Variants in ZBTB40 observed in about 807,000 individuals in gnomAD.
ZBTB40 encodes zinc finger and BTB domain-containing protein 40.
ZBTB40 carries 60 observed loss-of-function variants against 117.5 expected under a neutral mutation model. That is an observed-to-expected ratio of 0.51 (90% CI 0.41 to 0.63). The LOEUF (loss-of-function observed/expected upper bound fraction) is 0.63, where lower values mean the gene tolerates loss of function less well. ZBTB40 is among the 30% of genes least tolerant of loss of function. The pLI is 0.00. For synonymous variants in ZBTB40, 525 were observed against 577.1 expected, an observed-to-expected ratio of 0.91 and a Z score of 1.29; for missense variants, 1,287 against 1,498.5, an observed-to-expected ratio of 0.86 and a Z score of 2.33.
chr1:22,517,137 A>C (rs1423385924), intron 12 of ZBTB40, among the ~76,000 whole-genome samples, 163 bp from the exon 13 acceptor site: 2 of 152,166 alleles, frequency 1.3e-5, no homozygotes, highest in Non-Finnish European at 2.9e-5. Context: ...GTGCCATGTG[A>C]TGAGACGGCT....
intron 1 of ZBTB40, among the ~76,000 whole-genome samples, chr1:22,468,467 T>C (rs1433345921): frequency 0.21 from 19,935 of 96,692 alleles, 4,588 homozygotes; most frequent in African/African-American, 0.41. Flanking sequence ...AATGTTTCCT[T>C]TTTTTTTTTT....
chr1:22,520,269 C>T lies in ZBTB40; in HGVS notation c.3042C>T (p.Ala1014=). ...KPFSCGICNK[A]YQQLSGLWYH... ...TCAGCTGCGGGATCTGCAACAAGGC[C>T]TACCAGGTGACCTCAGGTGCCACTG... The change falls in exon 14 of 18, where the codon GCC becomes GCT. Residue 1014 remains alanine, a synonymous_variant. Coordinates refer to ENST00000375647, the MANE Select transcript of ZBTB40 (RefSeq NM_014870.4). 6.2e-7 allele frequency: 1 copy of T among 1,610,856 alleles called. No homozygotes were observed. Among genetic ancestry groups the T allele is most frequent in the Non-Finnish European group, 8.5e-7 (1 of 1,179,896 alleles).
At chr1:22,436,489 G>T (rs1640672498) in intron 1 of ZBTB40, among the ~76,000 whole-genome samples, 1 of 152,042 alleles carries the variant, frequency 6.6e-6, no homozygotes, top group Non-Finnish European at 1.5e-5. Context: ...TCCAGCATGG[G>T]CAACAAGAGT....
rs1639746132 is a variant in ZBTB40, at chr1:22,528,613, C to T, written c.*2217C>T. 1 of 152,206 alleles carries T rather than the reference C, an allele frequency of 6.6e-6. No individual in the cohort carries two copies. Among genetic ancestry groups the T allele is most frequent in the Non-Finnish European group, 1.5e-5 (1 of 68,056 alleles). The allele number at this position is 152,206 out of a possible 1,614,324, so 9.4% of individuals were successfully genotyped here. A position where few individuals can be genotyped will look rare whatever the true frequency, so the allele number is the denominator to read the frequency against. On this transcript the variant is annotated 3_prime_UTR_variant, in exon 18 of 18. Transcript: ENST00000375647. ...GTGGCACGATCTTGGCTCACTGCAA[C>T]CTCTGCGGGCTCACGCAATCCTCCT... is the stretch of plus-strand genomic sequence containing the variant.
In ZBTB40 at chr1:22,524,157, C is replaced by T. The variant is rs2124475908; in HGVS notation, c.3299-61C>T. On this transcript the variant is annotated intron_variant, in intron 16 of 17. Coordinates refer to ENST00000375647, the MANE Select transcript of ZBTB40 (RefSeq NM_014870.4). ...CTCTCATGTCTTCCTGCCCTCATTT[C>T]TCTCATTTTACCCAGAGAATTTTAC... is the stretch of plus-strand genomic sequence containing the variant. 4.6e-6 allele frequency: 7 copies of T among 1,512,464 alleles called. No individual in the cohort carries two copies. In the East Asian group the frequency reaches 1.4e-4, roughly 30 times the overall value. The allele number at this position is 1,512,464 out of a possible 1,614,324, so 93.7% of individuals were successfully genotyped here.
chr1:22,528,768 T>A lies in ZBTB40; in HGVS notation c.*2372T>A, dbSNP rs1453811639. 1 of 150,884 alleles carries A rather than the reference T, an allele frequency of 6.6e-6. No homozygotes were observed. The highest frequency in any genetic ancestry group is 2.4e-5 in the African/African-American group (1 of 40,888). 9.3% of individuals were successfully genotyped at this position (150,884 alleles called of 1,614,324 possible). A position where few individuals can be genotyped will look rare whatever the true frequency, so the allele number is the denominator to read the frequency against. On this transcript the variant is annotated 3_prime_UTR_variant, in exon 18 of 18. Transcript: ENST00000375647. ...CCAGGCTGGTTTAAAACTCCTGAGC[T>A]CAAGCAGTTCTCCCACCTGGGCCTC...
intron 16 of ZBTB40, among the ~76,000 whole-genome samples, chr1:22,522,965 T>TTTTTTTTTA (rs1639578758): frequency 1.4e-5 from 2 of 146,440 alleles, no homozygotes; most frequent in Non-Finnish European, 3.0e-5. Flanking sequence ...TTTTTTTTTT[T>TTTTTTTTTA]GAGATGGAGT....
rs548808282 is a variant in ZBTB40, at chr1:22,508,989, A to G, written c.1700-111A>G. ...GTTTTCCCCACTGCCAACCTCAGAT[A>G]GGAGATAGGGGAAATGCATTTTCAT... On this transcript the variant is annotated intron_variant, in intron 8 of 17. Coordinates refer to ENST00000375647, the MANE Select transcript of ZBTB40 (RefSeq NM_014870.4). 7.1e-6 allele frequency: 11 copies of G among 1,542,630 alleles called. No individual in the cohort carries two copies. In the Admixed American group the frequency reaches 1.2e-4, roughly 16 times the overall value.
At chr1:22,464,492 T>C (rs1188308854) in intron 1 of ZBTB40, among the ~76,000 whole-genome samples, 3 of 152,244 alleles carry the variant, frequency 2.0e-5, no homozygotes, top group South Asian at 2.1e-4. Flanking sequence ...GTTTGGTACA[T>C]AGCAGGAGCT....
intron 1 of ZBTB40, among the ~76,000 whole-genome samples, chr1:22,477,420 G>A (rs1641576458): frequency 2.0e-5 from 3 of 152,124 alleles, no homozygotes; most frequent in Non-Finnish European, 2.9e-5. Context: ...GGAGGCCAAG[G>A]TGGGCAGATA....
At chr1:22,508,264 A>G (rs1441883704) in intron 7 of ZBTB40, 127 bp downstream of exon 7, 3 of 1,197,720 alleles carry the variant, frequency 2.5e-6, no homozygotes, top group Non-Finnish European at 3.6e-6. Flanking sequence ...ATTGCTAAGT[A>G]GAGGAGAAAT....
At chr1:22,494,556 T>C (rs534442988) in intron 3 of ZBTB40, among the ~76,000 whole-genome samples, 24 of 152,374 alleles carry the variant, frequency 1.6e-4, no homozygotes, top group African/African-American at 5.5e-4. Flanking sequence ...TTGGAACCTG[T>C]AGACTACATT....
At chr1:22,479,195 T>C (rs1019187103) in intron 1 of ZBTB40, among the ~76,000 whole-genome samples, 6 of 152,242 alleles carry the variant, frequency 3.9e-5, no homozygotes, top group Non-Finnish European at 7.3e-5. Context: ...CCACCAACAG[T>C]GTATGAGAGT....
At chr1:22,454,025 C>A (rs548192254) in intron 1 of ZBTB40, among the ~76,000 whole-genome samples, 6 of 152,312 alleles carry the variant, frequency 3.9e-5, no homozygotes, top group African/African-American at 1.2e-4. Context: ...TCTCGGCTCA[C>A]TGCAACCTCC....
chr1:22,521,637 C>T lies in ZBTB40; in HGVS notation c.3190C>T (p.His1064Tyr), dbSNP rs1054349170. 1 of 1,614,134 alleles carries T rather than the reference C, an allele frequency of 6.2e-7. No homozygotes were observed. The highest frequency in any genetic ancestry group is 8.5e-7 in the Non-Finnish European group (1 of 1,180,056). ...TFPNTIEHKK[H>Y]IKAEHADMKF... is the part of the protein sequence containing the mutation. ...CCCCAACACCATTGAGCACAAGAAG[C>T]ACATCAAAGCAGAACATGCAGGTGG... The change falls in exon 15 of 18, where the codon CAC becomes TAC. Residue 1064 changes from histidine (H) to tyrosine (Y), a missense_variant. By Grantham distance (83) the His-to-Tyr change is moderately conservative. Coordinates refer to ENST00000375647, the MANE Select transcript of ZBTB40 (RefSeq NM_014870.4).
chr1:22,463,253 G>T (rs1315221389), intron 1 of ZBTB40, among the ~76,000 whole-genome samples: 1 of 152,122 alleles, frequency 6.6e-6, no homozygotes. Flanking sequence ...GCACATAGCC[G>T]CTGGCATCAC....
chr1:22,432,954 A>G (rs1413886055), intron 1 of ZBTB40, among the ~76,000 whole-genome samples: 1 of 152,232 alleles, frequency 6.6e-6, no homozygotes, highest in Non-Finnish European at 1.5e-5. Context: ...TATAGCAGAC[A>G]AATTTGAAAA....
chr1:22,520,962 A>G (rs1226701798), intron 14 of ZBTB40, among the ~76,000 whole-genome samples: 1 of 152,204 alleles, frequency 6.6e-6, no homozygotes, highest in African/African-American at 2.4e-5. Flanking sequence ...AATGGTAGGG[A>G]AAGTATTCCC....
At chr1:22,455,442 C>T (rs1010883443) in intron 1 of ZBTB40, among the ~76,000 whole-genome samples, 9 of 152,174 alleles carry the variant, frequency 5.9e-5, no homozygotes, top group Non-Finnish European at 1.2e-4. Flanking sequence ...TCGCTTTAAA[C>T]TCTCCCTAGT....
Sources: allele counts gnomAD v4.1 joint callset (sites outside exome capture counted in the v4.1 genomes callset), GRCh38; gene constraint gnomAD v4.1.1; transcripts MANE v1.5; gene names NCBI Gene and HGNC (gene_info 2026-07-23, HGNC 2026-07-21).